The following LMNB1 variants were observed in gnomAD, a reference collection of about 807,000 sequenced individuals.
LMNB1 encodes the protein lamin B1.
In LMNB1, 23 loss-of-function variants were observed where a neutral mutation model predicts 67.1. That is an observed-to-expected ratio of 0.34 (90% CI 0.25 to 0.49). LMNB1 has a LOEUF of 0.49. LMNB1 is among the 20% of genes least tolerant of loss of function. LMNB1 has a pLI of 0.99. For missense variants in LMNB1, 634 were observed against 746.5 expected, an observed-to-expected ratio of 0.85 and a Z score of 1.76; for synonymous variants, 281 against 282.9, an observed-to-expected ratio of 0.99 and a Z score of 0.07.
intron 1 of LMNB1, 81 bp from the exon 2 acceptor site, chr5:126,804,692 TTTG>T (rs1751372455): frequency 7.9e-7 from 1 of 1,269,044 alleles, no homozygotes; most frequent in African/African-American, 1.5e-5. Flanking sequence ...AACTACTTCT[TTTG>T]TTTGTCCCTT....
chr5:126,804,769 G>C lies in LMNB1; in HGVS notation c.360-7G>C. The C allele has an allele frequency of 6.2e-7, 1 of 1,613,144 alleles. No individual in the cohort carries two copies. The highest frequency in any genetic ancestry group is 8.5e-7 in the Non-Finnish European group (1 of 1,179,540). On this transcript the variant is annotated splice_region_variant and splice_polypyrimidine_tract_variant and intron_variant, in intron 1 of 10. Coordinates refer to ENST00000261366, the MANE Select transcript of LMNB1 (RefSeq NM_005573.4). Reference sequence around the variant, plus strand: ...TTGATGTCTTATGCTTTTTAAATCTGTTCCAGCTATGCTAAGAAGGAATCT... The same window carrying C: ...TTGATGTCTTATGCTTTTTAAATCTCTTCCAGCTATGCTAAGAAGGAATCT...
At chr5:126,796,786 C>CTTTTTTTTTTTTTTTTTTTTT (rs34534973) in intron 1 of LMNB1, among the ~76,000 whole-genome samples, 2 of 118,748 alleles carry the variant, frequency 1.7e-5, no homozygotes, top group Non-Finnish European at 3.5e-5. Flanking sequence ...TTTTTTCTTT[C>CTTTTTTTTTTTTTTTTTTTTT]TTTTTTTTTT....
intron 1 of LMNB1, among the ~76,000 whole-genome samples, chr5:126,785,211 C>T (rs1750743119): frequency 6.6e-6 from 1 of 150,554 alleles, no homozygotes; most frequent in Non-Finnish European, 1.5e-5. Flanking sequence ...TCATCTCGAT[C>T]TCCTGACCTC....
chr5:126,796,250 C>CT (rs890769444), intron 1 of LMNB1, among the ~76,000 whole-genome samples: 6 of 151,848 alleles, frequency 4.0e-5, no homozygotes, highest in East Asian at 3.9e-4. Context: ...TTTTAATCTC[C>CT]TTTTTTTGCC....
intron 6 of LMNB1, among the ~76,000 whole-genome samples, chr5:126,820,584 G>A (rs1751840212): frequency 1.3e-5 from 2 of 152,126 alleles, no homozygotes; most frequent in African/African-American, 4.8e-5. Context: ...AGAGTGCAGT[G>A]GTGTGATCTC....
chr5:126,800,644 CTTTTTTTTTT>C (rs35363581), intron 1 of LMNB1, among the ~76,000 whole-genome samples: 2 of 53,946 alleles, frequency 3.7e-5, no homozygotes, highest in Non-Finnish European at 6.6e-5. Flanking sequence ...ACTGTATCTT[CTTTTTTTTTT>C]TTTTTTTTTT....
chr5:126,810,237 C>T lies in LMNB1; in HGVS notation c.700C>T (p.Arg234Cys), dbSNP rs771251880. The T allele has an allele frequency of 1.3e-5, 21 of 1,613,688 alleles. No homozygotes were observed. The South Asian group carries it at 1.3e-4, about 10-fold the overall frequency. ...ETRLVEVDSG[R>C]QIEYEYKLAQ... ...GCGCTTGGTAGAGGTGGATTCTGGG[C>T]GTCAAATTGAGTATGAGTACAAGCT... The change falls in exon 4 of 11, where the codon CGT becomes TGT. Residue 234 changes from arginine to cysteine, a missense_variant. By Grantham distance (180) the Arg-to-Cys change is radical (BLOSUM62 -3). Transcript: ENST00000261366.
At chr5:126,820,625 A>C (rs975468594) in intron 6 of LMNB1, among the ~76,000 whole-genome samples, 4 of 152,086 alleles carry the variant, frequency 2.6e-5, no homozygotes, top group African/African-American at 9.7e-5. Context: ...TCCCGGGTTC[A>C]AGCCATTCTC....
chr5:126,830,235 C>T lies in LMNB1; in HGVS notation c.1612-2459C>T, dbSNP rs78062632. ...CAGCATCAGCAGGTGCAGCCAGCTC[C>T]GGGCACCACTGCACAGATCAGTGCA... is the stretch of plus-strand genomic sequence containing the variant. On this transcript the variant is annotated intron_variant, in intron 9 of 10. Coordinates refer to ENST00000261366, the MANE Select transcript of LMNB1 (RefSeq NM_005573.4). 6.1e-3 allele frequency among the ~76,000 whole-genome samples: 922 copies of T among 152,276 alleles called. 10 individuals are homozygous for T. Among genetic ancestry groups the T allele is most frequent in the African/African-American group, 0.02 (838 of 41,554 alleles).
intron 8 of LMNB1, among the ~76,000 whole-genome samples, chr5:126,823,309 G>T (rs775364779): frequency 6.6e-6 from 1 of 152,200 alleles, no homozygotes; most frequent in African/African-American, 2.4e-5. Flanking sequence ...TAGGGTTGGG[G>T]TAGGAGCCTA....
intron 6 of LMNB1, among the ~76,000 whole-genome samples, chr5:126,820,111 C>G (rs1751824631): frequency 6.6e-6 from 1 of 151,648 alleles, no homozygotes; most frequent in South Asian, 2.1e-4. Flanking sequence ...CATTGCACTC[C>G]AGCCTGGGTG....
Position 126,805,452 on chromosome 5 carries a change from T to C in LMNB1, c.517-119T>C, listed in dbSNP as rs1751391193. On this transcript the variant is annotated intron_variant, in intron 2 of 10. Coordinates refer to ENST00000261366, the MANE Select transcript of LMNB1 (RefSeq NM_005573.4). ...GATAAATGTTAAGATGAAGTAATTATACATTGATAAATATATAGGAATTTT... is the reference window on the plus strand; with the variant it reads ...GATAAATGTTAAGATGAAGTAATTACACATTGATAAATATATAGGAATTTT... 4.4e-6 allele frequency: 3 copies of C among 683,222 alleles called. No homozygotes were observed. In the Admixed American group the frequency reaches 8.5e-5, roughly 19 times the overall value. The allele number at this position is 683,222 out of a possible 1,614,324, so 42.3% of individuals were successfully genotyped here.
chr5:126,782,476 C>A (rs1750656107), intron 1 of LMNB1, among the ~76,000 whole-genome samples: 1 of 152,102 alleles, frequency 6.6e-6, no homozygotes, highest in African/African-American at 2.4e-5. Flanking sequence ...TCAGGTTTTG[C>A]CACTAAATGT....
At chr5:126,789,365 T>C (rs950831498) in intron 1 of LMNB1, among the ~76,000 whole-genome samples, 1 of 152,178 alleles carries the variant, frequency 6.6e-6, no homozygotes, top group Admixed American at 6.5e-5. Flanking sequence ...ACTAAGACCC[T>C]ACTAATAGTA....
chr5:126,818,250 T>TA (rs1178273891), intron 5 of LMNB1, among the ~76,000 whole-genome samples: 1 of 151,160 alleles, frequency 6.6e-6, no homozygotes, highest in Non-Finnish European at 1.5e-5. Context: ...TTTTTTTTTT[T>TA]TTTTTTGAGA....
At chr5:126,835,414 G>A (rs966777766) in intron 10 of LMNB1, among the ~76,000 whole-genome samples, 4 of 152,236 alleles carry the variant, frequency 2.6e-5, no homozygotes, top group African/African-American at 9.6e-5. Flanking sequence ...GAGTGATAAA[G>A]AAATGGGTAG....
In LMNB1 at chr5:126,802,511, T is replaced by C. The variant is rs569255889; in HGVS notation, c.360-2265T>C. Among the ~76,000 whole-genome samples the C allele has an allele frequency of 3.3e-5, 5 of 152,340 alleles. No individual in the cohort carries two copies. In the South Asian group the frequency reaches 1.0e-3, roughly 32 times the overall value. On this transcript the variant is annotated intron_variant, in intron 1 of 10. Coordinates refer to ENST00000261366, the MANE Select transcript of LMNB1 (RefSeq NM_005573.4). ...CAGGCTGGAGTGCAGTGGTATGATCTCGGCTCACTGCAACCTCTACCTCCC... is the reference window on the plus strand; with the variant it reads ...CAGGCTGGAGTGCAGTGGTATGATCCCGGCTCACTGCAACCTCTACCTCCC...
intron 5 of LMNB1, among the ~76,000 whole-genome samples, chr5:126,812,556 G>A (rs532615070): frequency 1.3e-5 from 2 of 152,208 alleles, no homozygotes; most frequent in African/African-American, 4.8e-5. Flanking sequence ...CTAGGGTGAT[G>A]TCAGTGTGGA....
At chr5:126,833,979 C>A (rs1752192244) in intron 10 of LMNB1, among the ~76,000 whole-genome samples, 1 of 152,224 alleles carries the variant, frequency 6.6e-6, no homozygotes, top group Non-Finnish European at 1.5e-5. Context: ...TGATTTCTTA[C>A]TTCCCATAAT....
Sources: gnomAD v4.1 joint callset for allele counts (sites outside exome capture counted in the v4.1 genomes callset) on GRCh38, gnomAD v4.1.1 for gene constraint, MANE v1.5 for transcripts, NCBI Gene and HGNC (gene_info 2026-07-23, HGNC 2026-07-21) for gene names.